TRIM31: variants seen among roughly 807,000 people sequenced by gnomAD.
TRIM31 encodes E3 ubiquitin-protein ligase TRIM31.
Under a neutral mutation model 40.6 loss-of-function variants are expected in TRIM31, and 31 were observed. The observed-to-expected ratio is 0.76, with a 90% CI of 0.57 to 1.03. The LOEUF (loss-of-function observed/expected upper bound fraction) is 1.03, where lower values mean the gene tolerates loss of function less well. Among genes scored for constraint, TRIM31 ranks in the 50% least tolerant of loss-of-function variants. The pLI is 0.00. For synonymous variants in TRIM31, 164 were observed against 193.9 expected (o/e 0.85, Z 1.28); for missense variants, 455 against 497.5 (o/e 0.91, Z 0.81).
At chr6:30,105,496 T>C (rs937572741) in intron 6 of TRIM31, 5 of 297,368 alleles carry the variant, frequency 1.7e-5, no homozygotes, top group African/African-American at 8.7e-5. Flanking sequence ...TGTGAGCCAC[T>C]TATATATTTT....
At chr6:30,112,963 G>A in intron 1 of TRIM31, 75 bp from the exon 2 acceptor site, 21 of 591,818 alleles carry the variant, frequency 3.5e-5, no homozygotes, top group South Asian at 1.1e-4. Flanking sequence ...CAGAGAGAGA[G>A]GAAAAGAAGA....
In TRIM31 at chr6:30,105,226, A is replaced by G. The variant is rs1309510705; in HGVS notation, c.900T>C (p.Asp300=). ...LKKFKDQLQA[D]RKKDENRFFK... ...AGAATCTGTTTTCATCTTTTTTCCT[A>G]TCAGCCTGGAGTTGGTCTGGGGAAT... is the stretch of plus-strand genomic sequence containing the variant. The change falls in exon 7 of 9, where the codon GAT becomes GAC. Residue 300 remains aspartate (D), a synonymous_variant. Coordinates refer to ENST00000376734, the MANE Select transcript of TRIM31 (RefSeq NM_007028.5). The G allele has an allele frequency of 1.2e-6, 2 of 1,612,640 alleles. No homozygotes were observed. The highest frequency in any genetic ancestry group is 1.7e-5 in the Admixed American group (1 of 59,976).
intron 6 of TRIM31, among the ~76,000 whole-genome samples, chr6:30,107,326 T>G (rs2523992): frequency 0.11 from 15,025 of 141,946 alleles, 1,046 homozygotes; most frequent in Non-Finnish European, 0.15. Context: ...GTCCTCCTTT[T>G]CCGTAGTCCC....
intron 8 of TRIM31, 142 bp from the exon 9 acceptor site, chr6:30,103,931 G>A: frequency 7.0e-7 from 1 of 1,423,168 alleles, no homozygotes; most frequent in Non-Finnish European, 9.6e-7. Flanking sequence ...GAACAAGTCG[G>A]AGCGCCCTCT....
rs955017399 is a variant in TRIM31, at chr6:30,103,105, T to C, written c.*431A>G. The C allele has an allele frequency of 1.9e-4, 36 of 193,678 alleles. No homozygotes were observed. The highest frequency in any genetic ancestry group is 1.3e-3 in the Admixed American group (24 of 18,208). The allele number at this position is 193,678 out of a possible 1,614,324, so 12.0% of individuals were successfully genotyped here. A position where few individuals can be genotyped will look rare whatever the true frequency, so the allele number is the denominator to read the frequency against. On this transcript the variant is annotated 3_prime_UTR_variant, in exon 9 of 9. Transcript: ENST00000376734. ...GTGGGAATGTAAGGAAGAGCGAGAG[T>C]GGTCGGGCTCATGGGGTTTGATGGA...
chr6:30,104,975 T>C (rs1768535362), intron 7 of TRIM31, among the ~76,000 whole-genome samples, 193 bp downstream of exon 7: 1 of 152,232 alleles, frequency 6.6e-6, no homozygotes, highest in African/African-American at 2.4e-5. Flanking sequence ...TACTTCAAAG[T>C]TTGGGATTAG....
At chr6:30,103,899 T>C (rs1768440585) in intron 8 of TRIM31, 110 bp from the exon 9 acceptor site, 8 of 1,528,210 alleles carry the variant, frequency 5.2e-6, no homozygotes, top group Non-Finnish European at 6.2e-6. Flanking sequence ...GGGATGGAGG[T>C]GAAACTCAAG....
chr6:30,107,888 G>A (rs1176510091), intron 6 of TRIM31, 165 bp downstream of exon 6: 3 of 604,118 alleles, frequency 5.0e-6, no homozygotes, highest in Non-Finnish European at 8.8e-6. Flanking sequence ...AGAAATGCCT[G>A]GGAGGAGGCA....
At position 30,112,414 on chromosome 6, in the gene TRIM31, A is replaced by G. The variant is rs140830838; in HGVS notation, c.392T>C (p.Ile131Thr). Residue 131 changes from isoleucine to threonine, a missense_variant, in exon 2 of 9, where the codon ATC (isoleucine) becomes ACC (threonine). Coordinates refer to ENST00000376734, the MANE Select transcript of TRIM31 (RefSeq NM_007028.5). ...CTGATAATTCTGGGCAGCTTCTTCG[A>G]TCAAGCTGACATTATGGGATTTGTG... ...KDHKSHNVSL[I>T]EEAAQNYQGQ... The G allele has an allele frequency of 6.2e-6, 10 of 1,612,294 alleles. No individual in the cohort carries two copies. In the African/African-American group the frequency reaches 1.3e-4, roughly 22 times the overall value.
In TRIM31 at chr6:30,112,833, T is replaced by G; in HGVS notation, c.-28A>C. 6.4e-7 allele frequency: 1 copy of G among 1,562,660 alleles called. No homozygotes were observed. The highest frequency in any genetic ancestry group is 8.6e-7 in the Non-Finnish European group (1 of 1,157,066). On this transcript the variant is annotated 5_prime_UTR_variant, in exon 2 of 9. Coordinates refer to ENST00000376734, the MANE Select transcript of TRIM31 (RefSeq NM_007028.5). ...CAGAACAACAGGGCTGTTTCAAGACTGTAGGAAGCTGTGCCAAGTCTGTAG... is the reference window on the plus strand; with the variant it reads ...CAGAACAACAGGGCTGTTTCAAGACGGTAGGAAGCTGTGCCAAGTCTGTAG...
In TRIM31 at chr6:30,109,021, C is replaced by T. The variant is rs370511531; in HGVS notation, c.767+5G>A. 1 of 1,612,980 alleles carries T rather than the reference C, an allele frequency of 6.2e-7. No individual in the cohort carries two copies. The highest frequency in any genetic ancestry group is 8.5e-7 in the Non-Finnish European group (1 of 1,179,990). ...GCAAAATACATTTGGGGTGGCCCATCATACCTGCACAAGACGACTTTGATA... is the reference window on the plus strand; with the variant it reads ...GCAAAATACATTTGGGGTGGCCCATTATACCTGCACAAGACGACTTTGATA... On this transcript the variant is annotated splice_donor_5th_base_variant and intron_variant, in intron 5 of 8. Coordinates refer to ENST00000376734, the MANE Select transcript of TRIM31 (RefSeq NM_007028.5).
At position 30,111,757 on chromosome 6, in the gene TRIM31, G is replaced by A. The variant is rs1167446896; in HGVS notation, c.418-14C>T. 1 of 1,613,930 alleles carries A rather than the reference G, an allele frequency of 6.2e-7. No homozygotes were observed. Among genetic ancestry groups the A allele is most frequent in the Non-Finnish European group, 8.5e-7 (1 of 1,179,814 alleles). ...TTGAATCTGCCCCTGCGGAAAGAGG[G>A]CCGTTTGGACAGGCTGTGCCTGGAG... is the stretch of plus-strand genomic sequence containing the variant. On this transcript the variant is annotated splice_polypyrimidine_tract_variant and intron_variant, in intron 2 of 8. Coordinates refer to ENST00000376734, the MANE Select transcript of TRIM31 (RefSeq NM_007028.5).
rs1290295845 is a variant in TRIM31 at position 30,111,689 on chromosome 6, G to A, written c.472C>T (p.Gln158Ter). 1.2e-6 allele frequency: 2 copies of A among 1,614,082 alleles called. No homozygotes were observed. The highest frequency in any genetic ancestry group is 1.3e-5 in the African/African-American group (1 of 74,918). The change falls in exon 3 of 9, where the codon CAA (glutamine) becomes TAA (stop). Residue 158 changes from glutamine (Q) to a stop codon, truncating the protein, a stop_gained. Transcript: ENST00000376734. LOFTEE classifies it high-confidence loss of function. ...CTGTGTACACCTTGTGCCTTCACTT[G>A]TACTGTCTCCTTCTCCTTTTGCTGC... is the stretch of plus-strand genomic sequence containing the variant. ...VLQQKEKETV[Q>*]VKAQGVHRVD...
At chr6:30,108,978 G>A (rs2074483) in intron 5 of TRIM31, 48 bp downstream of exon 5, 615,057 of 1,591,552 alleles carry the variant, frequency 0.39, 122,963 homozygotes, top group Non-Finnish European at 0.41. Flanking sequence ...TGAGAATTGT[G>A]TGTGGATGAA....
chr6:30,103,626 A>C lies in TRIM31; in HGVS notation c.1188T>G (p.Phe396Leu), dbSNP rs1471293563. 6.2e-7 allele frequency: 1 copy of C among 1,613,080 alleles called. No individual in the cohort carries two copies. The highest frequency in any genetic ancestry group is 1.7e-5 in the Admixed American group (1 of 60,022). ...GGAGCTCCTCGGACAGCGCAACGTC[A>C]AATGTCTTCGTATCCTGAGAGCTCG... ...QGASSQDTKTFDVALSEELHA... is the reference protein window; with the variant it reads ...QGASSQDTKTLDVALSEELHA... The change falls in exon 9 of 9, where the codon TTT becomes TTG. Residue 396 changes from phenylalanine to leucine, a missense_variant. Transcript: ENST00000376734.
intron 7 of TRIM31, among the ~76,000 whole-genome samples, chr6:30,104,646 A>G (rs1408108738): frequency 6.6e-6 from 1 of 152,212 alleles, no homozygotes; most frequent in Non-Finnish European, 1.5e-5. Context: ...GCAGATAATA[A>G]CACCTATCTT....
Position 30,108,143 on chromosome 6 carries a change from G to T in TRIM31, c.793C>A (p.Pro265Thr). ...TCCAGTTCCAGAGGAACAGGGGTTG[G>T]GTTGAGAAACTGAAACTCTTCACTT... ...CRSEEFQFLN[P>T]TPVPLELEKK... The change falls in exon 6 of 9, where the codon CCA (proline) becomes ACA (threonine). Residue 265 changes from proline to threonine, a missense_variant. Pro to Thr is a conservative substitution (Grantham distance 38). Transcript: ENST00000376734. The T allele has an allele frequency of 2.5e-6, 4 of 1,612,362 alleles. No homozygotes were observed. Among genetic ancestry groups the T allele is most frequent in the African/African-American group, 1.3e-5 (1 of 75,026 alleles).
intron 3 of TRIM31, chr6:30,111,337 G>A (rs1385177958): frequency 2.7e-6 from 1 of 373,028 alleles, no homozygotes. Flanking sequence ...CCCGGCCAAT[G>A]TCTTCATTTT....
At position 30,112,685 on chromosome 6, in the gene TRIM31, T is replaced by A. The variant is rs1395224382; in HGVS notation, c.121A>T (p.Thr41Ser). The change falls in exon 2 of 9, where the codon ACT becomes TCT. Residue 41 changes from threonine to serine, a missense_variant. By Grantham distance (58) the Thr-to-Ser change is moderately conservative. Coordinates refer to ENST00000376734, the MANE Select transcript of TRIM31 (RefSeq NM_007028.5). ...CGHNFCLKCITQIGETSCGFF... is the reference protein window; with the variant it reads ...CGHNFCLKCISQIGETSCGFF... ...CCACATGATGTTTCCCCAATCTGAG[T>A]GATGCATTTGAGGCAGAAATTGTGC... 1 of 1,612,948 alleles carries A rather than the reference T, an allele frequency of 6.2e-7. No individual in the cohort carries two copies. The highest frequency in any genetic ancestry group is 8.5e-7 in the Non-Finnish European group (1 of 1,180,040).
Sources: gnomAD v4.1 joint callset for allele counts (sites outside exome capture counted in the v4.1 genomes callset) on GRCh38, gnomAD v4.1.1 for gene constraint, MANE v1.5 for transcripts, NCBI Gene and HGNC (gene_info 2026-07-23, HGNC 2026-07-21) for gene names.